GALNTL6: variants seen among roughly 807,000 people sequenced by gnomAD.
GALNTL6 encodes the protein polypeptide N-acetylgalactosaminyltransferase-like 6.
GALNTL6 carries 46 observed loss-of-function variants against 73.7 expected under a neutral mutation model. That is an observed-to-expected ratio of 0.62 (90% CI 0.49 to 0.80). The LOEUF (loss-of-function observed/expected upper bound fraction) is 0.80. Ranked by LOEUF, GALNTL6 falls within the 30% of genes least tolerant of loss-of-function variation. The pLI is 0.00. For missense variants in GALNTL6, 604 were observed against 755.0 expected (o/e 0.80, Z 2.34); for synonymous variants, 259 against 263.7 (o/e 0.98, Z 0.17).
rs569171755 is a variant in GALNTL6 at position 172,807,113 on chromosome 4, G to A, written c.554-2248G>A. Among the ~76,000 whole-genome samples, 164 of 152,282 alleles carry A rather than the reference G, an allele frequency of 1.1e-3. 1 individual carries two copies. Among genetic ancestry groups the A allele is most frequent in the African/African-American group, 3.8e-3 (158 of 41,562 alleles). On this transcript the variant is annotated intron_variant, in intron 5 of 12. Coordinates refer to ENST00000506823, the MANE Select transcript of GALNTL6 (RefSeq NM_001034845.3). Reference sequence around the variant, plus strand: ...GAGTAAAGCTACAGTCTTACACACAGGCAGTGTGTTGTATAGCCAATAGAA... The same window carrying A: ...GAGTAAAGCTACAGTCTTACACACAAGCAGTGTGTTGTATAGCCAATAGAA...
chr4:172,378,508 G>A (rs962426104), intron 5 of GALNTL6, among the ~76,000 whole-genome samples: 16 of 152,002 alleles, frequency 1.1e-4, no homozygotes, highest in African/African-American at 3.4e-4. Flanking sequence ...AACTAAACAC[G>A]TGATTATTGA....
At chr4:172,950,146 A>G (rs143688542) in intron 9 of GALNTL6, among the ~76,000 whole-genome samples, 12 of 152,242 alleles carry the variant, frequency 7.9e-5, no homozygotes, top group Non-Finnish European at 1.8e-4. Flanking sequence ...TGGTCCCCAA[A>G]TGAATCAGGC....
At chr4:172,718,807 A>G (rs1735271502) in intron 5 of GALNTL6, among the ~76,000 whole-genome samples, 1 of 152,140 alleles carries the variant, frequency 6.6e-6, no homozygotes, top group Non-Finnish European at 1.5e-5. Context: ...TTTTAAAATC[A>G]ACTTTTAAAA....
intron 5 of GALNTL6, among the ~76,000 whole-genome samples, chr4:172,746,285 G>GTC (rs137866498): frequency 0.014 from 2,037 of 148,350 alleles, 39 homozygotes; most frequent in African/African-American, 0.048. Flanking sequence ...ATACTGCATA[G>GTC]TCTAATGCCT....
In GALNTL6 at chr4:171,922,182, G is replaced by A. The variant is rs74908514; in HGVS notation, c.138+107464G>A. 3.5e-3 allele frequency among the ~76,000 whole-genome samples: 531 copies of A among 151,690 alleles called. 6 individuals carry two copies. Among genetic ancestry groups the A allele is most frequent in the African/African-American group, 0.012 (505 of 41,404 alleles). On this transcript the variant is annotated intron_variant, in intron 2 of 12. Coordinates refer to ENST00000506823, the MANE Select transcript of GALNTL6 (RefSeq NM_001034845.3). ...TCTTTTGTTTCCTTTCATGGGGCTG[G>A]GCCAATAAGCTTCTTAATGATGACT... is the stretch of plus-strand genomic sequence containing the variant.
At chr4:172,930,789 C>T (rs770242619) in intron 8 of GALNTL6, among the ~76,000 whole-genome samples, 1 of 152,110 alleles carries the variant, frequency 6.6e-6, no homozygotes, top group Non-Finnish European at 1.5e-5. Context: ...CTCAGCCTCC[C>T]AAGTAGCTGG....
chr4:172,377,302 A>C (rs967601501), intron 5 of GALNTL6, among the ~76,000 whole-genome samples: 1 of 152,114 alleles, frequency 6.6e-6, no homozygotes, highest in African/African-American at 2.4e-5. Flanking sequence ...TCCTCTAGCT[A>C]GACATAAAAG....
intron 2 of GALNTL6, among the ~76,000 whole-genome samples, chr4:171,891,447 G>A (rs1329654635): frequency 6.6e-6 from 1 of 152,106 alleles, no homozygotes; most frequent in Non-Finnish European, 1.5e-5. Flanking sequence ...TTTGTATGTT[G>A]TTGTACTAAT....
chr4:172,155,048 A>G (rs1393785720), intron 2 of GALNTL6, among the ~76,000 whole-genome samples: 1 of 150,264 alleles, frequency 6.7e-6, no homozygotes, highest in Admixed American at 6.7e-5. Context: ...TCCAGGCTGG[A>G]GTGCAGTGGC....
intron 5 of GALNTL6, among the ~76,000 whole-genome samples, chr4:172,403,306 A>G (rs1323918397): frequency 1.3e-5 from 2 of 152,070 alleles, no homozygotes; most frequent in Non-Finnish European, 2.9e-5. Context: ...AAAGAGTTAT[A>G]TAACCCATAC....
At position 171,868,626 on chromosome 4, in the gene GALNTL6, A is replaced by G. The variant is rs375963979; in HGVS notation, c.138+53908A>G. On this transcript the variant is annotated intron_variant, in intron 2 of 12. Transcript: ENST00000506823. Reference sequence around the variant, plus strand: ...TTATCAAATATTCTACCTCCCTTGAATCATCTTGGAACACAGGATTCTTGA... The same window carrying G: ...TTATCAAATATTCTACCTCCCTTGAGTCATCTTGGAACACAGGATTCTTGA... Among the ~76,000 whole-genome samples the G allele has an allele frequency of 8.5e-5, 13 of 152,264 alleles. No individual in the cohort carries two copies. In the East Asian group the frequency reaches 2.1e-3, roughly 25 times the overall value.
At chr4:171,893,020 G>A (rs1736806879) in intron 2 of GALNTL6, among the ~76,000 whole-genome samples, 1 of 152,034 alleles carries the variant, frequency 6.6e-6, no homozygotes, top group Non-Finnish European at 1.5e-5. Flanking sequence ...ATAATAGGTA[G>A]TATGTGTTTA....
chr4:172,107,552 C>T (rs933590310), intron 2 of GALNTL6, among the ~76,000 whole-genome samples: 1 of 151,414 alleles, frequency 6.6e-6, no homozygotes, highest in Non-Finnish European at 1.5e-5. Flanking sequence ...TGGAAGCCAT[C>T]ATTCTCAGCA....
At chr4:172,916,198 C>T (rs571295359) in intron 8 of GALNTL6, among the ~76,000 whole-genome samples, 1 of 152,016 alleles carries the variant, frequency 6.6e-6, no homozygotes, top group African/African-American at 2.4e-5. Context: ...ATTCAACAAC[C>T]CTTCATGCTA....
At chr4:171,853,409 T>C (rs987927139) in intron 2 of GALNTL6, among the ~76,000 whole-genome samples, 4 of 151,766 alleles carry the variant, frequency 2.6e-5, no homozygotes, top group African/African-American at 9.7e-5. Context: ...TTCCTATCTT[T>C]TCTTCCTCCT....
chr4:172,109,725 A>G (rs1279288388), intron 2 of GALNTL6, among the ~76,000 whole-genome samples: 1 of 152,224 alleles, frequency 6.6e-6, no homozygotes, highest in East Asian at 1.9e-4. Context: ...GCTGAGAAAC[A>G]GAAAGCAAAG....
At chr4:173,019,604 A>T (rs76617321) in intron 11 of GALNTL6, among the ~76,000 whole-genome samples, 1 of 152,328 alleles carries the variant, frequency 6.6e-6, no homozygotes, top group Non-Finnish European at 1.5e-5. Flanking sequence ...GTCCACAATT[A>T]TACTTTAAAA....
intron 2 of GALNTL6, among the ~76,000 whole-genome samples, chr4:171,832,018 C>T (rs1032075873): frequency 2.0e-5 from 3 of 151,298 alleles, no homozygotes; most frequent in African/African-American, 7.3e-5. Flanking sequence ...GAGACACAAT[C>T]TGTCCTTGTC....
Position 172,449,656 on chromosome 4 carries a change from G to A in GALNTL6, c.553+100967G>A, listed in dbSNP as rs550945400. On this transcript the variant is annotated intron_variant, in intron 5 of 12. Transcript: ENST00000506823. ...GCCGTTCTTTCTTAGTCTTTTTTCT[G>A]TACTTCTCTCCTATCAAACTTCTAA... Among the ~76,000 whole-genome samples the A allele has an allele frequency of 3.2e-4, 49 of 152,020 alleles. No individual in the cohort carries two copies. The Middle Eastern group carries it at 0.017, about 53-fold the overall frequency.
Sources: gnomAD v4.1 joint callset for allele counts (sites outside exome capture counted in the v4.1 genomes callset) on GRCh38, gnomAD v4.1.1 for gene constraint, MANE v1.5 for transcripts, NCBI Gene and HGNC (gene_info 2026-07-23, HGNC 2026-07-21) for gene names.